EFL1: variants seen among roughly 807,000 people sequenced by gnomAD.
The protein encoded by EFL1 is elongation factor-like GTPase 1.
EFL1 carries 76 observed loss-of-function variants against 126.7 expected under a neutral mutation model. That is an observed-to-expected ratio of 0.60 (90% confidence interval 0.50 to 0.73). EFL1 has a LOEUF of 0.73. EFL1 is among the 30% of genes least tolerant of loss of function. EFL1 has a pLI of 0.00. For missense variants in EFL1, 1,128 were observed against 1,343.2 expected, an observed-to-expected ratio of 0.84 and a Z score of 2.50; for synonymous variants, 410 against 448.4, an observed-to-expected ratio of 0.91 and a Z score of 1.08.
Position 82,241,300 on chromosome 15 carries a change from C to T in EFL1, c.348G>A (p.Val116=). The T allele has an allele frequency of 6.2e-7, 1 of 1,613,938 alleles. No individual in the cohort carries two copies. Among genetic ancestry groups the T allele is most frequent in the Non-Finnish European group, 8.5e-7 (1 of 1,179,860 alleles). Residue 116 remains valine (V), a synonymous_variant, in exon 5 of 20, where the codon GTG becomes GTA. Transcript: ENST00000268206. ...GACAGACTCCTTCCACAGCATCTAC[C>T]ACAATGATGCATCCATCACAAATGC... ...AVRICDGCII[V]VDAVEGVCPQ...
intron 7 of EFL1, among the ~76,000 whole-genome samples, chr15:82,236,025 T>C (rs2074869480): frequency 6.6e-6 from 1 of 152,148 alleles, no homozygotes. Context: ...TATTTCTATA[T>C]ACTAGATGAA....
At position 82,202,814 on chromosome 15, in the gene EFL1, A is replaced by ATT. The variant is rs113767734; in HGVS notation, c.1750+11901_1750+11902dup. On this transcript the variant is annotated intron_variant, in intron 15 of 19. Coordinates refer to ENST00000268206, the MANE Select transcript of EFL1 (RefSeq NM_024580.6). ...GGAAAGATATTAATAGTGTTCCCTA[A>ATT]TTTTTTTTTTTTTTTGAGACGGAGT... 3.9e-3 allele frequency among the ~76,000 whole-genome samples: 561 copies of ATT among 145,664 alleles called. 6 individuals are homozygous for ATT. The highest frequency in any genetic ancestry group is 3.3e-3 in the Non-Finnish European group (222 of 66,378).
rs376049845 is a variant in EFL1, at chr15:82,220,191, C to A, written c.1331G>T (p.Arg444Leu). The A allele has an allele frequency of 6.2e-7, 1 of 1,611,462 alleles. No individual in the cohort carries two copies. The highest frequency in any genetic ancestry group is 1.1e-5 in the South Asian group (1 of 90,602). Residue 444 changes from arginine to leucine, a missense_variant, in exon 13 of 20, where the codon CGT becomes CTT. Coordinates refer to ENST00000268206, the MANE Select transcript of EFL1 (RefSeq NM_024580.6). ...TQEEIAQRRE[R>L]ARQRHAEKLA... Reference sequence around the variant, plus strand: ...CTTCTCTGCATGCCTTTGTCTTGCACGCTCACGTCTCTGAGCAATTTCTTC... The same window carrying A: ...CTTCTCTGCATGCCTTTGTCTTGCAAGCTCACGTCTCTGAGCAATTTCTTC...
At chr15:82,190,859 G>A (rs1246373189) in intron 15 of EFL1, among the ~76,000 whole-genome samples, 7 of 152,036 alleles carry the variant, frequency 4.6e-5, no homozygotes, top group African/African-American at 9.7e-5. Flanking sequence ...ACATACGTAT[G>A]TATGCAAATT....
intron 17 of EFL1, among the ~76,000 whole-genome samples, chr15:82,155,329 C>A (rs949943906): frequency 6.6e-6 from 1 of 151,852 alleles, no homozygotes; most frequent in Non-Finnish European, 1.5e-5. Context: ...TGGTGAAACA[C>A]CATCTCTACT....
At chr15:82,154,921 C>G (rs992518471) in intron 17 of EFL1, among the ~76,000 whole-genome samples, 1 of 152,048 alleles carries the variant, frequency 6.6e-6, no homozygotes. Context: ...ACCACCTGCC[C>G]GATTAATTTA....
chr15:82,143,654 A>G (rs1471203766), intron 18 of EFL1, among the ~76,000 whole-genome samples: 1 of 152,224 alleles, frequency 6.6e-6, no homozygotes, highest in Non-Finnish European at 1.5e-5. Flanking sequence ...GCTGGTTGCT[A>G]CTATATAGAT....
intron 18 of EFL1, among the ~76,000 whole-genome samples, chr15:82,142,772 C>T (rs1193571553): frequency 6.6e-6 from 1 of 152,170 alleles, no homozygotes; most frequent in Admixed American, 6.5e-5. Context: ...TCACTGTCCA[C>T]AGGCAAAACC....
At chr15:82,202,662 T>A (rs894533709) in intron 15 of EFL1, among the ~76,000 whole-genome samples, 8 of 152,176 alleles carry the variant, frequency 5.3e-5, no homozygotes, top group Non-Finnish European at 1.0e-4. Context: ...TGCCCAGGGC[T>A]ACAAGGCTTA....
intron 19 of EFL1, among the ~76,000 whole-genome samples, chr15:82,134,579 C>T (rs1288209228): frequency 1.3e-5 from 2 of 152,166 alleles, no homozygotes; most frequent in Non-Finnish European, 2.9e-5. Flanking sequence ...CCAGTTTTCA[C>T]GATGATTACT....
intron 18 of EFL1, among the ~76,000 whole-genome samples, chr15:82,150,664 A>C (rs2073897087): frequency 6.6e-6 from 1 of 152,200 alleles, no homozygotes. Flanking sequence ...TGCTTCTCCC[A>C]AAGAGAGAAA....
intron 7 of EFL1, 83 bp from the exon 8 acceptor site, chr15:82,231,054 G>A (rs1253724277): frequency 9.5e-6 from 14 of 1,473,416 alleles, no homozygotes; most frequent in African/African-American, 2.8e-5. Flanking sequence ...TTCTTTACAC[G>A]TGTATTACTA....
Position 82,227,430 on chromosome 15 carries a change from A to G in EFL1, c.1192+20T>C. On this transcript the variant is annotated intron_variant, in intron 11 of 19. Transcript: ENST00000268206. ...ACAGTCAATGACATGGTATATTCCA[A>G]CAGGTCCATCTTTCCTCACCTGCTT... 3 of 1,614,042 alleles carry G rather than the reference A, an allele frequency of 1.9e-6. No individual in the cohort carries two copies. The highest frequency in any genetic ancestry group is 2.5e-6 in the Non-Finnish European group (3 of 1,179,932).
intron 8 of EFL1, among the ~76,000 whole-genome samples, chr15:82,229,319 C>T (rs2074796951): frequency 6.6e-6 from 1 of 152,086 alleles, no homozygotes; most frequent in African/African-American, 2.4e-5. Context: ...CTCTGGGAAC[C>T]ATAGACTTTA....
At chr15:82,186,169 C>T (rs2074301446) in intron 15 of EFL1, among the ~76,000 whole-genome samples, 2 of 151,906 alleles carry the variant, frequency 1.3e-5, no homozygotes, top group Non-Finnish European at 1.5e-5. Flanking sequence ...AAAGCAAAGG[C>T]TAGCTTTTTA....
In EFL1 at chr15:82,142,936, CTT is replaced by C. The variant is rs777436550; in HGVS notation, c.2990-4096_2990-4095del. 1.1e-4 allele frequency among the ~76,000 whole-genome samples: 17 copies of C among 152,334 alleles called. No individual in the cohort carries two copies. The East Asian group carries it at 3.3e-3, about 29-fold the overall frequency. ...CTAATACCCAAGCTCAAAAAAGTCTCTTTACCATTTGGGTGAACATTATCTGT... is the reference window on the plus strand; with the variant it reads ...CTAATACCCAAGCTCAAAAAAGTCTCTACCATTTGGGTGAACATTATCTGT... On this transcript the variant is annotated intron_variant, in intron 18 of 19. Coordinates refer to ENST00000268206, the MANE Select transcript of EFL1 (RefSeq NM_024580.6).
intron 1 of EFL1, 96 bp from the exon 2 acceptor site, chr15:82,261,893 A>C: frequency 2.4e-6 from 2 of 829,816 alleles, no homozygotes; most frequent in East Asian, 5.2e-5. Context: ...CAAGCTTCTC[A>C]AACCCCTTAA....
chr15:82,175,865 AT>A (rs1181488857), intron 15 of EFL1, among the ~76,000 whole-genome samples: 3 of 152,204 alleles, frequency 2.0e-5, no homozygotes. Context: ...AGAATATGTA[AT>A]TCAATGTAAA....
At chr15:82,186,119 T>C (rs555857035) in intron 15 of EFL1, among the ~76,000 whole-genome samples, 2 of 152,262 alleles carry the variant, frequency 1.3e-5, no homozygotes, top group Non-Finnish European at 2.9e-5. Context: ...ATTACCTCAG[T>C]GGAATGAATA....
Sources: allele counts gnomAD v4.1 joint callset (sites outside exome capture counted in the v4.1 genomes callset), GRCh38; gene constraint gnomAD v4.1.1; transcripts MANE v1.5; gene names NCBI Gene and HGNC (gene_info 2026-07-23, HGNC 2026-07-21).